SIPA1L3: variants seen among roughly 807,000 people sequenced by gnomAD.
SIPA1L3 encodes signal-induced proliferation-associated 1-like protein 3.
SIPA1L3 carries 59 observed loss-of-function variants against 150.1 expected under a neutral mutation model. The observed-to-expected ratio is 0.39, with a 90% CI of 0.32 to 0.49. The LOEUF (loss-of-function observed/expected upper bound fraction) is 0.49. Among genes scored for constraint, SIPA1L3 ranks in the 20% least tolerant of loss-of-function variants. SIPA1L3 has a pLI of 0.86. For missense variants in SIPA1L3, 2,211 were observed against 2,489.5 expected (o/e 0.89, Z 2.38); for synonymous variants, 1,070 against 1,077.6 (o/e 0.99, Z 0.14).
rs1416517170 is a variant in SIPA1L3, at chr19:38,154,160, G to T, written c.3661+1193G>T. On this transcript the variant is annotated intron_variant, in intron 13 of 21. Transcript: ENST00000222345. ...CACTGTGTCTATTTTGTGTATGTGT[G>T]TCTGGTTTCTGTCACTCAGTGTTAC... 2.0e-5 allele frequency among the ~76,000 whole-genome samples: 3 copies of T among 152,214 alleles called. No homozygotes were observed. In the East Asian group the frequency reaches 5.8e-4, roughly 29 times the overall value.
intron 1 of SIPA1L3, among the ~76,000 whole-genome samples, chr19:37,965,965 A>G (rs1363267413): frequency 6.6e-6 from 1 of 152,066 alleles, no homozygotes; most frequent in African/African-American, 2.4e-5. Flanking sequence ...GGAAATGTGT[A>G]TGTTAGAATT....
At chr19:38,054,767 C>T (rs1969279822) in intron 2 of SIPA1L3, among the ~76,000 whole-genome samples, 1 of 132,512 alleles carries the variant, frequency 7.5e-6, no homozygotes, top group African/African-American at 3.3e-5. Flanking sequence ...CATGCCCTCC[C>T]ACACAGCCGT....
At chr19:38,050,122 G>C (rs1292716596) in intron 2 of SIPA1L3, among the ~76,000 whole-genome samples, 1 of 152,190 alleles carries the variant, frequency 6.6e-6, no homozygotes, top group Non-Finnish European at 1.5e-5. Flanking sequence ...ATATTGTAAG[G>C]TATTTTGAGG....
At chr19:38,092,853 T>A (rs943254297) in intron 4 of SIPA1L3, among the ~76,000 whole-genome samples, 4 of 36,920 alleles carry the variant, frequency 1.1e-4, no homozygotes, top group African/African-American at 3.5e-4. Context: ...GGTGCTTAGA[T>A]TTTTTTTTTT....
At chr19:38,146,970 T>G (rs543102121) in intron 12 of SIPA1L3, among the ~76,000 whole-genome samples, 1 of 152,208 alleles carries the variant, frequency 6.6e-6, no homozygotes, top group Non-Finnish European at 1.5e-5. Context: ...TTGTCAGATA[T>G]GCGATTTGCA....
At chr19:37,955,681 C>A (rs1251569995) in intron 1 of SIPA1L3, among the ~76,000 whole-genome samples, 1 of 152,166 alleles carries the variant, frequency 6.6e-6, no homozygotes, top group Non-Finnish European at 1.5e-5. Context: ...TCTGCGCTTC[C>A]TCCAGGTGAT....
chr19:37,950,859 C>T (rs1473673524), intron 1 of SIPA1L3, among the ~76,000 whole-genome samples: 2 of 152,234 alleles, frequency 1.3e-5, no homozygotes, highest in Admixed American at 6.5e-5. Flanking sequence ...TATCTATTCC[C>T]CAGACGGTGA....
At chr19:37,987,339 G>A (rs780947017) in intron 1 of SIPA1L3, among the ~76,000 whole-genome samples, 1 of 152,032 alleles carries the variant, frequency 6.6e-6, no homozygotes, top group African/African-American at 2.4e-5. Flanking sequence ...TAGAATCTGG[G>A]ACACGCACTT....
chr19:38,158,743 G>T (rs1336463310), intron 13 of SIPA1L3, among the ~76,000 whole-genome samples: 1 of 152,234 alleles, frequency 6.6e-6, no homozygotes, highest in African/African-American at 2.4e-5. Flanking sequence ...GCCACAGGGG[G>T]TTTGGCCACA....
chr19:38,201,965 A>T lies in SIPA1L3; in HGVS notation c.5088A>T (p.Gly1696=). 6.2e-7 allele frequency: 1 copy of T among 1,612,714 alleles called. No individual in the cohort carries two copies. The highest frequency in any genetic ancestry group is 8.5e-7 in the Non-Finnish European group (1 of 1,179,522). Residue 1696 remains glycine, a synonymous_variant, in exon 20 of 22, where the codon GGA becomes GGT. Transcript: ENST00000222345. ...PVHSHLSLER[G]PPTPRTTPTM... Reference sequence around the variant, plus strand: ...ACAGCCACCTGAGCCTGGAGAGGGGACCCCCGACCCCCAGGACCACCCCTA... The same window carrying T: ...ACAGCCACCTGAGCCTGGAGAGGGGTCCCCCGACCCCCAGGACCACCCCTA...
chr19:38,201,985 C>CGTGG lies in SIPA1L3; in HGVS notation c.5108_5109insGTGG (p.Pro1704TrpfsTer29), dbSNP rs764718287. On this transcript the variant is annotated frameshift_variant, in exon 20 of 22. Coordinates refer to ENST00000222345, the MANE Select transcript of SIPA1L3 (RefSeq NM_015073.3). LOFTEE classifies it high-confidence loss of function. The stretch of plus-strand genomic sequence containing the variant: ...AGGGGACCCCCGACCCCCAGGACCA[C>CGTGG]CCCTACCATGAGGTGAGGTTTCCCT... 1 of 1,610,884 alleles carries CGTGG rather than the reference C, an allele frequency of 6.2e-7. No homozygotes were observed. The highest frequency in any genetic ancestry group is 1.7e-5 in the Admixed American group (1 of 59,302).
At chr19:38,165,311 C>A (rs1380891655) in intron 15 of SIPA1L3, among the ~76,000 whole-genome samples, 1 of 152,134 alleles carries the variant, frequency 6.6e-6, no homozygotes, top group Non-Finnish European at 1.5e-5. Context: ...AGAGGTGTAA[C>A]AAACAGTCCC....
At chr19:38,030,674 A>G (rs1454226249) in intron 2 of SIPA1L3, among the ~76,000 whole-genome samples, 3 of 144,048 alleles carry the variant, frequency 2.1e-5, no homozygotes, top group Non-Finnish European at 3.0e-5. Context: ...CCTGTGCTAT[A>G]TAGGTTTTGA....
intron 17 of SIPA1L3, among the ~76,000 whole-genome samples, chr19:38,193,169 C>A (rs1305298881): frequency 6.6e-6 from 1 of 151,786 alleles, no homozygotes; most frequent in Non-Finnish European, 1.5e-5. Context: ...TAATGAGACC[C>A]TCATCTCTAT....
At position 38,162,119 on chromosome 19, in the gene SIPA1L3, G is replaced by C. The variant is rs572071172; in HGVS notation, c.3662-134G>C. The C allele has an allele frequency of 3.2e-4, 227 of 713,194 alleles. 1 individual carries two copies. The highest frequency in any genetic ancestry group is 5.4e-4 in the Non-Finnish European group (207 of 386,612). The allele number at this position is 713,194 out of a possible 1,614,324, so 44.2% of individuals were successfully genotyped here. On this transcript the variant is annotated intron_variant, in intron 13 of 21. Transcript: ENST00000222345. ...GTGCTGAGATGTATTCTCTGTTACTGAGTGTTGCACTCCAAGGTGTAAATT... is the reference window on the plus strand; with the variant it reads ...GTGCTGAGATGTATTCTCTGTTACTCAGTGTTGCACTCCAAGGTGTAAATT...
chr19:38,111,891 G>T (rs1600086667), intron 8 of SIPA1L3, among the ~76,000 whole-genome samples: 1 of 151,480 alleles, frequency 6.6e-6, no homozygotes, highest in Middle Eastern at 3.5e-3. Context: ...ACGTGCACAG[G>T]CACATGCACA....
Position 38,119,597 on chromosome 19 carries a change from T to C in SIPA1L3, c.2583T>C (p.Ala861=), listed in dbSNP as rs1970969754. 1 of 1,613,954 alleles carries C rather than the reference T, an allele frequency of 6.2e-7. No individual in the cohort carries two copies. The highest frequency in any genetic ancestry group is 8.5e-7 in the Non-Finnish European group (1 of 1,179,952). ...AGAAGGAAAAGACAAAAGCACGGGC[T>C]GGCGCTGAGCAGCACAGTGCAGGGG... ...SKKKEKTKAR[A]GAEQHSAGAI... The change falls in exon 9 of 22, where the codon GCT becomes GCC. Residue 861 remains alanine (A), a synonymous_variant. Transcript: ENST00000222345.
chr19:38,000,915 A>G (rs572630832), intron 1 of SIPA1L3, among the ~76,000 whole-genome samples: 8 of 113,920 alleles, frequency 7.0e-5, no homozygotes, highest in Non-Finnish European at 1.4e-4. Flanking sequence ...TATATAACAT[A>G]TATATAACAT....
At chr19:38,111,640 T>A (rs1970747779) in intron 8 of SIPA1L3, among the ~76,000 whole-genome samples, 1 of 152,214 alleles carries the variant, frequency 6.6e-6, no homozygotes, top group South Asian at 2.1e-4. Flanking sequence ...CATCCCAGCC[T>A]GCAGCGCTGG....
Sources: allele counts gnomAD v4.1 joint callset (sites outside exome capture counted in the v4.1 genomes callset), GRCh38; gene constraint gnomAD v4.1.1; transcripts MANE v1.5; gene names NCBI Gene and HGNC (gene_info 2026-07-23, HGNC 2026-07-21).